KLHL29: variants seen among roughly 807,000 people sequenced by gnomAD.
The protein encoded by KLHL29 is kelch like family member 29.
A neutral mutation model predicts 80.4 loss-of-function variants in KLHL29; 21 were observed. The ratio of observed to expected loss-of-function variants is 0.26; its 90% CI spans 0.19 to 0.38. The LOEUF (loss-of-function observed/expected upper bound fraction) is 0.38. KLHL29 is among the 10% of genes least tolerant of loss of function. The pLI is 1.00. For synonymous variants in KLHL29, 511 were observed against 526.8 expected (o/e 0.97, Z 0.41); for missense variants, 867 against 1,223.9 (o/e 0.71, Z 4.35).
At chr2:23,481,569 A>T (rs980123865) in intron 2 of KLHL29, among the ~76,000 whole-genome samples, 5 of 152,200 alleles carry the variant, frequency 3.3e-5, no homozygotes, top group Non-Finnish European at 7.4e-5. Flanking sequence ...CTGTAACCCC[A>T]CAATGGGTAA....
At chr2:23,417,394 G>T (rs1169536694) in intron 1 of KLHL29, among the ~76,000 whole-genome samples, 1 of 152,200 alleles carries the variant, frequency 6.6e-6, no homozygotes, top group Admixed American at 6.5e-5. Context: ...TCATCTGCCT[G>T]CAAGCGTTTA....
chr2:23,677,228 C>T (rs1359746732), intron 5 of KLHL29, among the ~76,000 whole-genome samples: 2 of 152,184 alleles, frequency 1.3e-5, no homozygotes, highest in African/African-American at 2.4e-5. Context: ...GCTGTAGGCA[C>T]GGAGGGGACC....
intron 5 of KLHL29, among the ~76,000 whole-genome samples, chr2:23,650,083 G>A (rs577309795): frequency 1.8e-3 from 267 of 152,358 alleles, no homozygotes; most frequent in Non-Finnish European, 3.2e-3. Context: ...CATGCCCCAC[G>A]TGGTCTGGGT....
chr2:23,483,964 C>T (rs748576712), intron 2 of KLHL29, among the ~76,000 whole-genome samples: 3 of 152,176 alleles, frequency 2.0e-5, no homozygotes, highest in African/African-American at 7.2e-5. Flanking sequence ...GCACATACGA[C>T]GTGTCAAGCC....
intron 2 of KLHL29, among the ~76,000 whole-genome samples, chr2:23,483,738 A>AG (rs1664858414): frequency 6.6e-6 from 1 of 152,184 alleles, no homozygotes; most frequent in African/African-American, 2.4e-5. Context: ...TATTGTACCA[A>AG]GGAGCAAACC....
intron 5 of KLHL29, among the ~76,000 whole-genome samples, chr2:23,664,696 G>A (rs1390420437): frequency 1.3e-5 from 2 of 152,194 alleles, no homozygotes; most frequent in African/African-American, 4.8e-5. Flanking sequence ...CCACAAAGAG[G>A]AGGGCAGCAC....
intron 1 of KLHL29, among the ~76,000 whole-genome samples, chr2:23,393,238 T>C (rs1055899499): frequency 6.6e-6 from 1 of 152,260 alleles, no homozygotes; most frequent in Non-Finnish European, 1.5e-5. Flanking sequence ...GATGTTCTTT[T>C]CACTCCGTGG....
At chr2:23,510,234 G>C (rs1459101746) in intron 2 of KLHL29, among the ~76,000 whole-genome samples, 2 of 152,174 alleles carry the variant, frequency 1.3e-5, no homozygotes, top group African/African-American at 4.8e-5. Context: ...GGATGGATTG[G>C]GGAGTGACAG....
intron 5 of KLHL29, among the ~76,000 whole-genome samples, chr2:23,676,028 C>T (rs554888269): frequency 6.6e-6 from 1 of 152,216 alleles, no homozygotes; most frequent in African/African-American, 2.4e-5. Flanking sequence ...CAGAAGATCA[C>T]AAATTAGAAA....
At chr2:23,396,515 A>C (rs964090119) in intron 1 of KLHL29, among the ~76,000 whole-genome samples, 1 of 152,186 alleles carries the variant, frequency 6.6e-6, no homozygotes, top group African/African-American at 2.4e-5. Context: ...ACCAAAATTA[A>C]GGGCCGTGGA....
intron 2 of KLHL29, chr2:23,523,964 G>C: frequency 2.1e-6 from 1 of 471,466 alleles, no homozygotes; most frequent in South Asian, 1.5e-5. Flanking sequence ...GTAAAGAGAA[G>C]ATTCCATGCG....
intron 1 of KLHL29, among the ~76,000 whole-genome samples, chr2:23,387,508 TTATTATTATTATTA>T (rs1666215225): frequency 6.9e-5 from 6 of 87,214 alleles, no homozygotes; most frequent in African/African-American, 2.4e-4. Flanking sequence ...TCCTGATTTA[TTATTATTATTATTA>T]TTATTATTAT....
chr2:23,549,837 A>G (rs1440237547), intron 2 of KLHL29, among the ~76,000 whole-genome samples: 1 of 152,266 alleles, frequency 6.6e-6, no homozygotes, highest in East Asian at 1.9e-4. Context: ...GGGGTGAGCC[A>G]GCAGGCTGCT....
At chr2:23,388,741 A>G (rs139572287) in intron 1 of KLHL29, among the ~76,000 whole-genome samples, 1 of 152,264 alleles carries the variant, frequency 6.6e-6, no homozygotes, top group East Asian at 1.9e-4. Context: ...TCCCAGCTAC[A>G]TACAGATATA....
chr2:23,653,958 G>A (rs1670161809), intron 5 of KLHL29, among the ~76,000 whole-genome samples: 1 of 152,138 alleles, frequency 6.6e-6, no homozygotes, highest in Admixed American at 6.5e-5. Flanking sequence ...CCTGAGGTCA[G>A]GAGTTCAAGA....
chr2:23,604,479 G>A (rs1436015888), intron 3 of KLHL29, among the ~76,000 whole-genome samples: 1 of 152,240 alleles, frequency 6.6e-6, no homozygotes, highest in Non-Finnish European at 1.5e-5. Flanking sequence ...TGGGACGCAA[G>A]TGTCACAGGG....
rs542625637 is a variant in KLHL29 at position 23,550,274 on chromosome 2, G to A, written c.-45-11878G>A. Among the ~76,000 whole-genome samples, 4 of 152,122 alleles carry A rather than the reference G, an allele frequency of 2.6e-5. No individual in the cohort carries two copies. The South Asian group carries it at 8.3e-4, about 32-fold the overall frequency. ...CCTGGGGAATTGCTTGAGAGGGAAA[G>A]GGGGGCACGAAGGCCTGACTCATGG... On this transcript the variant is annotated intron_variant, in intron 2 of 13. Transcript: ENST00000486442.
chr2:23,406,937 A>G (rs1048882532), intron 1 of KLHL29, among the ~76,000 whole-genome samples: 3 of 152,262 alleles, frequency 2.0e-5, no homozygotes, highest in Non-Finnish European at 2.9e-5. Context: ...AGATAAAAAA[A>G]CAATTAACAT....
intron 2 of KLHL29, among the ~76,000 whole-genome samples, chr2:23,498,392 C>CAA (rs1665332631): frequency 1.3e-5 from 2 of 152,228 alleles, no homozygotes; most frequent in Admixed American, 1.3e-4. Flanking sequence ...GGTGCCCTGA[C>CAA]ATCCAGCTGG....
Sources: allele counts gnomAD v4.1 joint callset (sites outside exome capture counted in the v4.1 genomes callset), GRCh38; gene constraint gnomAD v4.1.1; transcripts MANE v1.5; gene names NCBI Gene and HGNC (gene_info 2026-07-23, HGNC 2026-07-21).